The following GPHN variants were observed in gnomAD, a reference collection of about 807,000 sequenced individuals.
GPHN encodes gephyrin.
Under a neutral mutation model 95.5 loss-of-function variants are expected in GPHN, and 17 were observed. That is an observed-to-expected ratio of 0.18 (90% CI 0.12 to 0.27). The LOEUF (loss-of-function observed/expected upper bound fraction) is 0.27, where lower values mean the gene tolerates loss of function less well. Ranked by LOEUF, GPHN falls within the 10% of genes least tolerant of loss-of-function variation. The pLI, the probability that GPHN is intolerant of heterozygous loss-of-function variation, is 1.00. For synonymous variants in GPHN, 320 were observed against 322.5 expected (o/e 0.99, Z 0.08); for missense variants, 660 against 978.1 (o/e 0.67, Z 4.34).
the GPHN span, among the ~76,000 whole-genome samples, chr14:67,349,385 C>T: frequency 6.6e-6 from 1 of 152,174 alleles, no homozygotes; most frequent in Non-Finnish European, 1.5e-5. Context: ...CAGAGGTGTG[C>T]TACATGGATA....
At chr14:67,338,281 G>A in the GPHN span, 2 of 172,586 alleles carry the variant, frequency 1.2e-5, no homozygotes, top group Non-Finnish European at 2.5e-5. Context: ...CTGCTCCACA[G>A]TAATTGGCCT....
At chr14:67,354,398 TAATA>T in the GPHN span, among the ~76,000 whole-genome samples, 3 of 152,230 alleles carry the variant, frequency 2.0e-5, no homozygotes, top group African/African-American at 7.2e-5. Flanking sequence ...ATCTATCCAC[TAATA>T]TATATCAAAA....
At chr14:66,899,037 G>A (rs964348941) in intron 5 of GPHN, among the ~76,000 whole-genome samples, 2 of 151,120 alleles carry the variant, frequency 1.3e-5, no homozygotes, top group African/African-American at 2.4e-5. Flanking sequence ...AATATATATA[G>A]AAATACAATT....
chr14:66,847,167 A>ATT (rs1193663367), intron 4 of GPHN, among the ~76,000 whole-genome samples: 1 of 152,076 alleles, frequency 6.6e-6, no homozygotes, highest in Non-Finnish European at 1.5e-5. Flanking sequence ...ACCAAACTTT[A>ATT]TTTTAACAGC....
chr14:67,383,543 A>G, the GPHN span: 1 of 1,479,670 alleles, frequency 6.8e-7, no homozygotes, highest in South Asian at 1.2e-5. Flanking sequence ...TCAAAGCTGA[A>G]TATTTTTTAT....
chr14:66,565,955 T>A (rs908993541), intron 1 of GPHN, among the ~76,000 whole-genome samples: 1 of 140,376 alleles, frequency 7.1e-6, no homozygotes, highest in African/African-American at 3.0e-5. Context: ...AAACCAAAAG[T>A]AAAAAGAAAA....
At chr14:67,716,419 GTTT>G in the GPHN span, among the ~76,000 whole-genome samples, 1 of 152,050 alleles carries the variant, frequency 6.6e-6, no homozygotes, top group Non-Finnish European at 1.5e-5. Flanking sequence ...ATGTTAGAAA[GTTT>G]TTAAAAAAGT....
intron 1 of GPHN, among the ~76,000 whole-genome samples, chr14:66,585,330 A>C (rs897767133): frequency 5.3e-5 from 8 of 152,120 alleles, no homozygotes; most frequent in African/African-American, 1.7e-4. Context: ...TGATCTTTTC[A>C]AAAAACCAGC....
intron 2 of GPHN, among the ~76,000 whole-genome samples, chr14:66,695,227 A>G (rs1250010824): frequency 6.6e-6 from 1 of 152,190 alleles, no homozygotes; most frequent in African/African-American, 2.4e-5. Flanking sequence ...AAAGACCTTA[A>G]CAAACACCTC....
the GPHN span, among the ~76,000 whole-genome samples, chr14:67,329,586 T>C: frequency 3.3e-4 from 50 of 152,178 alleles, no homozygotes; most frequent in African/African-American, 1.2e-3. Flanking sequence ...CCAGTTTTTG[T>C]CCATTCAGTA....
chr14:66,710,165 T>C (rs1321839658), intron 2 of GPHN, among the ~76,000 whole-genome samples: 2 of 152,178 alleles, frequency 1.3e-5, no homozygotes, highest in Non-Finnish European at 2.9e-5. Flanking sequence ...TCACCCTGGG[T>C]TCTTAGTTAT....
At chr14:66,917,042 G>A (rs1264234655) in intron 6 of GPHN, among the ~76,000 whole-genome samples, 1 of 152,104 alleles carries the variant, frequency 6.6e-6, no homozygotes, top group African/African-American at 2.4e-5. Flanking sequence ...TCATAATTTT[G>A]TATTAAGTTA....
At chr14:67,149,763 T>C (rs1055569243) in intron 18 of GPHN, among the ~76,000 whole-genome samples, 2 of 152,136 alleles carry the variant, frequency 1.3e-5, no homozygotes, top group African/African-American at 4.8e-5. Context: ...TTTAGCAGAC[T>C]AGCAAAGCTC....
chr14:66,833,195 T>A (rs1032377143), intron 4 of GPHN, among the ~76,000 whole-genome samples: 5 of 152,090 alleles, frequency 3.3e-5, no homozygotes, highest in Non-Finnish European at 5.9e-5. Context: ...GTGGTAGGCC[T>A]TAGGAAACTT....
intron 1 of GPHN, among the ~76,000 whole-genome samples, chr14:66,643,464 A>G (rs1351236979): frequency 6.6e-6 from 1 of 152,110 alleles, no homozygotes; most frequent in Admixed American, 6.6e-5. Context: ...AATGACCTAA[A>G]TTGGAAACAA....
At chr14:66,683,380 G>A (rs953365714) in intron 2 of GPHN, among the ~76,000 whole-genome samples, 15 of 87,780 alleles carry the variant, frequency 1.7e-4, no homozygotes, top group South Asian at 3.5e-4. Context: ...ATATATATAT[G>A]TTCATATATA....
At chr14:66,892,947 A>C (rs1459293914) in intron 5 of GPHN, among the ~76,000 whole-genome samples, 1 of 152,206 alleles carries the variant, frequency 6.6e-6, no homozygotes, top group Non-Finnish European at 1.5e-5. Context: ...AGGAAATGCA[A>C]CATACATAAA....
the GPHN span, among the ~76,000 whole-genome samples, chr14:67,640,453 G>C: frequency 0.13 from 19,092 of 152,170 alleles, 1,228 homozygotes; most frequent in East Asian, 0.14. Context: ...TTGGCCTCAT[G>C]GCTTTTTGTT....
chr14:67,402,513 T>G, the GPHN span, among the ~76,000 whole-genome samples: 3 of 152,164 alleles, frequency 2.0e-5, no homozygotes, highest in Non-Finnish European at 4.4e-5. Context: ...AAATAGTAAG[T>G]CTTTCTCATT....
Sources: gnomAD v4.1 joint callset for allele counts (sites outside exome capture counted in the v4.1 genomes callset) on GRCh38, gnomAD v4.1.1 for gene constraint, MANE v1.5 for transcripts, NCBI Gene and HGNC (gene_info 2026-07-23, HGNC 2026-07-21) for gene names.